IL17REL: variants seen among roughly 807,000 people sequenced by gnomAD.
The protein encoded by IL17REL is interleukin-17 receptor E-like protein.
A neutral mutation model predicts 49.0 loss-of-function variants in IL17REL; 36 were observed. The ratio of observed to expected loss-of-function variants is 0.73; its 90% CI spans 0.56 to 0.97. The LOEUF (loss-of-function observed/expected upper bound fraction) is 0.97. Among genes scored for constraint, IL17REL ranks in the 50% least tolerant of loss-of-function variants. IL17REL has a pLI of 0.00. For synonymous variants in IL17REL, 206 were observed against 192.4 expected (o/e 1.07, Z -0.58); for missense variants, 470 against 453.9 (o/e 1.04, Z -0.32).
chr22:49,998,640 C>T (rs564220565), intron 7 of IL17REL, among the ~76,000 whole-genome samples: 1 of 134,024 alleles, frequency 7.5e-6, no homozygotes, highest in Admixed American at 7.4e-5. Flanking sequence ...GTGAGTGTGC[C>T]TGCCTGTGCA....
rs1417534041 is a variant in IL17REL at position 50,000,474 on chromosome 22, C to G, written c.334+4G>C. ...CTGTGCTCAGGGGGCCCTGGGGACC[C>G]TACCTTCCACGAGGTGCCTCTGGTC... is the stretch of plus-strand genomic sequence containing the variant. On this transcript the variant is annotated splice_donor_region_variant and intron_variant, in intron 4 of 12. Transcript: ENST00000341280. The G allele has an allele frequency of 1.2e-6, 2 of 1,609,564 alleles. No individual in the cohort carries two copies. The highest frequency in any genetic ancestry group is 1.7e-6 in the Non-Finnish European group (2 of 1,176,496).
downstream of IL17REL, among the ~76,000 whole-genome samples, chr22:49,994,091 G>A (rs2061019503): frequency 6.7e-6 from 1 of 149,626 alleles, no homozygotes; most frequent in Non-Finnish European, 1.5e-5. Context: ...TCCAGGTTAG[G>A]GAAGGGCACC....
At chr22:50,004,088 G>T (rs2061094695) in intron 1 of IL17REL, among the ~76,000 whole-genome samples, 1 of 151,782 alleles carries the variant, frequency 6.6e-6, no homozygotes, top group Non-Finnish European at 1.5e-5. Context: ...GTTTTTTTGT[G>T]TTTTTTTTGA....
At chr22:50,002,009 G>A (rs2061082664) in intron 1 of IL17REL, among the ~76,000 whole-genome samples, 1 of 152,240 alleles carries the variant, frequency 6.6e-6, no homozygotes, top group Admixed American at 6.5e-5. Context: ...AGGAGAGTAA[G>A]GAATGAGGGT....
intron 3 of IL17REL, 67 bp from the exon 5 acceptor site, chr22:50,000,659 C>T: frequency 1.3e-6 from 2 of 1,547,188 alleles, no homozygotes; most frequent in Middle Eastern, 1.9e-4. Flanking sequence ...GCCAGCTCCA[C>T]TTGCATGGCT....
intron 1 of IL17REL, among the ~76,000 whole-genome samples, chr22:50,001,911 A>C (rs1015252141): frequency 6.6e-6 from 1 of 152,254 alleles, no homozygotes; most frequent in Admixed American, 6.5e-5. Context: ...AGGCATGGCC[A>C]CCGAGGCGTG....
upstream of IL17REL, among the ~76,000 whole-genome samples, chr22:50,011,279 C>T (rs550915468): frequency 1.3e-4 from 19 of 151,694 alleles, no homozygotes; most frequent in African/African-American, 3.9e-4. Flanking sequence ...CCTCTTCCAC[C>T]CGCCTCAGCC....
At chr22:50,009,761 C>A (rs967139588), upstream of IL17REL, among the ~76,000 whole-genome samples, 8 of 152,182 alleles carry the variant, frequency 5.3e-5, no homozygotes, top group African/African-American at 1.9e-4. Flanking sequence ...GTGGAGCGGG[C>A]ATTACCGGTG....
intron 12 of IL17REL, 31 bp downstream of exon 14, chr22:49,996,963 G>A: frequency 8.4e-7 from 1 of 1,190,624 alleles, no homozygotes; most frequent in Non-Finnish European, 1.2e-6. Flanking sequence ...GGAGGAGATG[G>A]CTAGGGGCTG....
chr22:50,000,787 G>A (rs1288708099), exon 3 of IL17REL: 1 of 1,599,610 alleles, frequency 6.3e-7, no homozygotes, highest in Non-Finnish European at 8.5e-7. Context: ...GGGAGGCCCT[G>A]GCCACCCACA....
chr22:49,992,473 G>A (rs2061011183), downstream of IL17REL, among the ~76,000 whole-genome samples: 1 of 152,198 alleles, frequency 6.6e-6, no homozygotes, highest in Admixed American at 6.5e-5. Flanking sequence ...TGTTACCCAG[G>A]CTGGAGTGCA....
chr22:50,006,906 G>A (rs1481518375), intron 1 of IL17REL, among the ~76,000 whole-genome samples: 1 of 140,312 alleles, frequency 7.1e-6, no homozygotes, highest in Non-Finnish European at 1.5e-5. Context: ...AGTGAGCCAA[G>A]ATTGCACCAC....
In IL17REL at chr22:50,001,066, C is replaced by T; in HGVS notation, c.109+16G>A. On this transcript the variant is annotated intron_variant, in intron 2 of 12. Coordinates refer to ENST00000341280, the Ensembl canonical transcript of IL17REL. ...ACCTGCGGGTGTTAACTCCCACCCTCGAGGCCACCTCTCACCATGCAGGGT... is the reference window on the plus strand; with the variant it reads ...ACCTGCGGGTGTTAACTCCCACCCTTGAGGCCACCTCTCACCATGCAGGGT... 3.9e-6 allele frequency: 6 copies of T among 1,555,652 alleles called. No individual in the cohort carries two copies. The highest frequency in any genetic ancestry group is 4.7e-5 in the East Asian group (2 of 42,150).
intron 7 of IL17REL, 129 bp downstream of exon 9, chr22:49,999,162 C>A: frequency 1.8e-6 from 2 of 1,140,020 alleles, no homozygotes; most frequent in South Asian, 2.5e-5. Context: ...ACAAGCCCTT[C>A]CGAGCAGGCT....
intron 1 of IL17REL, among the ~76,000 whole-genome samples, chr22:50,008,071 T>G (rs571219130): frequency 1.3e-5 from 2 of 151,968 alleles, no homozygotes; most frequent in East Asian, 1.9e-4. Context: ...CAACCAGAGA[T>G]AGGAAGACTT....
intron 1 of IL17REL, among the ~76,000 whole-genome samples, chr22:50,002,107 G>C (rs147829212): frequency 1.1e-3 from 164 of 152,336 alleles, no homozygotes; most frequent in African/African-American, 3.8e-3. Flanking sequence ...CCTCCCTCCT[G>C]TGATAATGAG....
At chr22:49,998,569 G>A (rs1257251142) in intron 7 of IL17REL, among the ~76,000 whole-genome samples, 1 of 151,288 alleles carries the variant, frequency 6.6e-6, no homozygotes, top group African/African-American at 2.4e-5. Context: ...GAGTGTGCCT[G>A]CCTGTGCATG....
At chr22:50,000,888 G>T (rs1472339709) in intron 2 of IL17REL, 25 bp from the exon 4 acceptor site, 21 of 1,496,242 alleles carry the variant, frequency 1.4e-5, no homozygotes, top group Non-Finnish European at 1.7e-5. Flanking sequence ...GACCCGGCAG[G>T]GTGCATCAGA....
intron 1 of IL17REL, among the ~76,000 whole-genome samples, 176 bp from the exon 3 acceptor site, chr22:50,001,407 C>T (rs2061079518): frequency 6.6e-6 from 1 of 152,302 alleles, no homozygotes; most frequent in South Asian, 2.1e-4. Context: ...GAGCCCCCAC[C>T]CCGAGACACA....
Sources: gnomAD v4.1 joint callset for allele counts (sites outside exome capture counted in the v4.1 genomes callset) on GRCh38, gnomAD v4.1.1 for gene constraint, MANE v1.5 for transcripts, NCBI Gene and HGNC (gene_info 2026-07-23, HGNC 2026-07-21) for gene names.